The following STIP1 variants were observed in gnomAD, a reference collection of about 807,000 sequenced individuals.
The protein encoded by STIP1 is stress-induced-phosphoprotein 1.
In STIP1, 16 loss-of-function variants were observed where a neutral mutation model predicts 77.4. The observed-to-expected ratio is 0.21, with a 90% CI of 0.14 to 0.31. The LOEUF (loss-of-function observed/expected upper bound fraction) is 0.31, where lower values mean the gene tolerates loss of function less well. STIP1 is among the 10% of genes least tolerant of loss of function. The pLI, the probability that STIP1 is intolerant of heterozygous loss-of-function variation, is 1.00. For missense variants in STIP1, 524 were observed against 684.8 expected, an observed-to-expected ratio of 0.77 and a Z score of 2.62; for synonymous variants, 258 against 246.6, an observed-to-expected ratio of 1.05 and a Z score of -0.44.
intron 1 of STIP1, among the ~76,000 whole-genome samples, chr11:64,189,824 C>T (rs966061198): frequency 2.0e-5 from 3 of 152,134 alleles, no homozygotes. Flanking sequence ...CACCAGCTGC[C>T]TCTTGACACC....
chr11:64,197,922 A>G lies in STIP1; in HGVS notation c.971A>G (p.Asn324Ser). Reference sequence around the variant, plus strand: ...TACAAGGATGCCATCCATTTCTATAACAAGTCTCTGGCAGAGCACCGAACC... The same window carrying G: ...TACAAGGATGCCATCCATTTCTATAGCAAGTCTCTGGCAGAGCACCGAACC... ...EKYKDAIHFY[N>S]KSLAEHRTPD... Residue 324 changes from asparagine (N) to serine (S), a missense_variant, in exon 8 of 14, where the codon AAC (asparagine) becomes AGC (serine). Coordinates refer to ENST00000305218, the MANE Select transcript of STIP1 (RefSeq NM_006819.3). 1 of 1,613,348 alleles carries G rather than the reference A, an allele frequency of 6.2e-7. No homozygotes were observed. The highest frequency in any genetic ancestry group is 8.5e-7 in the Non-Finnish European group (1 of 1,179,850).
rs1360997076 is a variant in STIP1, at chr11:64,186,204, G to T, written c.-58G>T. ...GTAGGTTCCAGAAGGCGGCGCGTGC[G>T]GTTGGGAACGCGGAGCGGACGGATT... On this transcript the variant is annotated 5_prime_UTR_variant, in exon 1 of 14. Transcript: ENST00000305218. 1.9e-6 allele frequency: 3 copies of T among 1,550,856 alleles called. No homozygotes were observed. The highest frequency in any genetic ancestry group is 1.7e-4 in the Middle Eastern group (1 of 5,984).
upstream of STIP1, chr11:64,185,535 G>C: frequency 2.2e-6 from 1 of 448,380 alleles, no homozygotes; most frequent in South Asian, 2.7e-5. Flanking sequence ...GCTCCCACCG[G>C]CTAGGACCCC....
chr11:64,185,642 A>T, upstream of STIP1: 1 of 785,438 alleles, frequency 1.3e-6, no homozygotes, highest in Non-Finnish European at 2.0e-6. Context: ...AGGGAAAGCA[A>T]CCCAGAGGCC....
At chr11:64,196,321 G>A (rs1283474248) in intron 5 of STIP1, among the ~76,000 whole-genome samples, 1 of 151,138 alleles carries the variant, frequency 6.6e-6, no homozygotes, top group East Asian at 1.9e-4. Flanking sequence ...GCTTGAACTC[G>A]GGAGGCAGAG....
At chr11:64,193,379 A>G in intron 2 of STIP1, 92 bp downstream of exon 2, 1 of 1,121,916 alleles carries the variant, frequency 8.9e-7, no homozygotes, top group Non-Finnish European at 1.3e-6. Flanking sequence ...TGATACACTG[A>G]TAGTTACCTA....
At chr11:64,189,678 G>A (rs1168312706) in intron 1 of STIP1, among the ~76,000 whole-genome samples, 1 of 152,130 alleles carries the variant, frequency 6.6e-6, no homozygotes, top group Non-Finnish European at 1.5e-5. Flanking sequence ...ACTGTTATGT[G>A]CACTGTGTGC....
chr11:64,198,753 G>GGT (rs1555042778), intron 8 of STIP1, among the ~76,000 whole-genome samples: 2 of 111,030 alleles, frequency 1.8e-5, no homozygotes, highest in African/African-American at 3.5e-5. Flanking sequence ...TTTTTTTGTG[G>GGT]TTTTTTTTTT....
intron 8 of STIP1, 25 bp from the exon 9 acceptor site, chr11:64,199,915 T>C (rs770034379): frequency 1.5e-5 from 25 of 1,613,222 alleles, no homozygotes; most frequent in Non-Finnish European, 2.0e-5. Flanking sequence ...GTTTAAATTA[T>C]TATTTCAAGA....
chr11:64,198,995 C>G (rs973551954), intron 8 of STIP1, among the ~76,000 whole-genome samples: 1 of 148,262 alleles, frequency 6.7e-6, no homozygotes, highest in African/African-American at 2.5e-5. Context: ...GTCAGGAGTT[C>G]AAGACCAGCC....
intron 1 of STIP1, among the ~76,000 whole-genome samples, chr11:64,187,168 C>T (rs1408779231): frequency 1.3e-5 from 2 of 152,080 alleles, no homozygotes; most frequent in Admixed American, 6.6e-5. Context: ...TTGCTGCTTC[C>T]TTTCAGTGAC....
chr11:64,203,716 G>T, intron 13 of STIP1, 94 bp downstream of exon 13: 1 of 1,484,996 alleles, frequency 6.7e-7, no homozygotes. Context: ...CTCAGTCTGC[G>T]AGGAAGAGGA....
At chr11:64,186,468 G>C in intron 1 of STIP1, 198 bp downstream of exon 1, 1 of 508,900 alleles carries the variant, frequency 2.0e-6, no homozygotes, top group Non-Finnish European at 2.9e-6. Context: ...GCCGCGGGGA[G>C]CGCCCATCGC....
At chr11:64,198,062 CTTTT>C in intron 8 of STIP1, 88 bp downstream of exon 8, 5 of 1,299,624 alleles carry the variant, frequency 3.8e-6, no homozygotes, top group Non-Finnish European at 5.1e-6. Flanking sequence ...ATGAACTTGA[CTTTT>C]TTTTTTTTTT....
Position 64,203,572 on chromosome 11 carries a change from C to G in STIP1, c.1509C>G (p.Ala503=). Residue 503 remains alanine (A), a synonymous_variant, in exon 13 of 14, where the codon GCC becomes GCG. Transcript: ENST00000305218. ...TGCAGCAGATCATGAGTGACCCAGC[C>G]ATGCGCCTTATCCTGGAACAGATGC... The part of the protein sequence containing the change: ...PEVQQIMSDP[A]MRLILEQMQK... 2 of 1,614,222 alleles carry G rather than the reference C, an allele frequency of 1.2e-6. No homozygotes were observed. Among genetic ancestry groups the G allele is most frequent in the Middle Eastern group, 1.6e-4 (1 of 6,062 alleles).
rs1946199101 is a variant in STIP1 at position 64,200,023 on chromosome 11, G to A, written c.1107G>A (p.Glu369=). The stretch of plus-strand genomic sequence containing the variant: ...TGGAGGAGAAGAACAAAGGCAACGA[G>A]TGTTTTCAGAAAGGTACTGCCTGCA... ...LALEEKNKGN[E]CFQKGDYPQA... Residue 369 remains glutamate, a synonymous_variant, in exon 9 of 14, where the codon GAG becomes GAA. Transcript: ENST00000305218. The A allele has an allele frequency of 6.2e-7, 1 of 1,614,112 alleles. No homozygotes were observed. Among genetic ancestry groups the A allele is most frequent in the Non-Finnish European group, 8.5e-7 (1 of 1,180,054 alleles).
chr11:64,197,941 C>G lies in STIP1; in HGVS notation c.990C>G (p.His330Gln). 1.2e-6 allele frequency: 2 copies of G among 1,613,646 alleles called. No homozygotes were observed. Among genetic ancestry groups the G allele is most frequent in the Middle Eastern group, 1.7e-4 (1 of 5,768 alleles). The change falls in exon 8 of 14, where the codon CAC becomes CAG. Residue 330 changes from histidine to glutamine, a missense_variant. His to Gln is a conservative substitution (Grantham distance 24). Transcript: ENST00000305218. ...TCTATAACAAGTCTCTGGCAGAGCA[C>G]CGAACCCCAGATGTGCTCAAGAAAT... ...IHFYNKSLAE[H>Q]RTPDVLKKCQ...
At chr11:64,188,429 C>T (rs946206803) in intron 1 of STIP1, among the ~76,000 whole-genome samples, 2 of 152,054 alleles carry the variant, frequency 1.3e-5, no homozygotes, top group Admixed American at 1.3e-4. Context: ...GTTCTGTGGC[C>T]CAGGCTGAAG....
intron 1 of STIP1, 41 bp downstream of exon 1, chr11:64,186,311 G>A (rs1338452984): frequency 1.3e-6 from 2 of 1,518,136 alleles, no homozygotes; most frequent in Non-Finnish European, 8.8e-7. Flanking sequence ...AGCCTGCTCG[G>A]GGACCGGCGG....
Sources: gnomAD v4.1 joint callset for allele counts (sites outside exome capture counted in the v4.1 genomes callset) on GRCh38, gnomAD v4.1.1 for gene constraint, MANE v1.5 for transcripts, NCBI Gene and HGNC (gene_info 2026-07-23, HGNC 2026-07-21) for gene names.